Variants in KRAS observed in about 807,000 individuals in gnomAD.
KRAS encodes GTPase KRas.
A neutral mutation model predicts 21.0 loss-of-function variants in KRAS; 1 was observed. That is an observed-to-expected ratio of 0.05 (90% CI 0.02 to 0.23). The LOEUF is 0.23. Ranked by LOEUF, KRAS falls within the 10% of genes least tolerant of loss-of-function variation. KRAS has a pLI of 1.00. For missense variants in KRAS, 107 were observed against 221.8 expected, an observed-to-expected ratio of 0.48 and a Z score of 3.29; for synonymous variants, 67 against 72.5, an observed-to-expected ratio of 0.92 and a Z score of 0.39.
chr12:25,246,384 CCTCT>C (rs368634744), intron 1 of KRAS, among the ~76,000 whole-genome samples: 161 of 152,116 alleles, frequency 1.1e-3, no homozygotes, highest in Non-Finnish European at 1.5e-3. Flanking sequence ...ATGGTGAAAC[CCTCT>C]CTCTACTAAA....
intron 2 of KRAS, among the ~76,000 whole-genome samples, chr12:25,235,612 G>A (rs1240190137): frequency 2.0e-5 from 3 of 152,160 alleles, no homozygotes; most frequent in African/African-American, 7.2e-5. Context: ...GCAAGACGAA[G>A]TACAATGGTG....
In KRAS at chr12:25,209,875, T is replaced by C. The variant is rs1470495974; in HGVS notation, c.487A>G (p.Ile163Val). ...CTCATCTTTTCTTTATGTTTTCGAATTTCTCGAACTAATGTATAGAAGGCA... is the reference window on the plus strand; with the variant it reads ...CTCATCTTTTCTTTATGTTTTCGAACTTCTCGAACTAATGTATAGAAGGCA... ...DDAFYTLVRE[I>V]RKHKEKMSKD... The change falls in exon 5 of 5, where the codon ATT becomes GTT. Residue 163 changes from isoleucine (I) to valine (V), a missense_variant. Physicochemically the swap from Ile to Val is conservative, Grantham distance 29. Transcript: ENST00000311936. 1.4e-5 allele frequency: 22 copies of C among 1,611,282 alleles called. No homozygotes were observed. The highest frequency in any genetic ancestry group is 1.7e-5 in the Non-Finnish European group (20 of 1,178,072).
intron 2 of KRAS, among the ~76,000 whole-genome samples, chr12:25,239,971 T>C (rs894275875): frequency 4.0e-5 from 6 of 151,580 alleles, no homozygotes; most frequent in Admixed American, 3.9e-4. Flanking sequence ...AAAAAAAAAT[T>C]AATAGAAATA....
At chr12:25,237,698 T>C (rs570935149) in intron 2 of KRAS, among the ~76,000 whole-genome samples, 2 of 152,330 alleles carry the variant, frequency 1.3e-5, no homozygotes, top group South Asian at 2.1e-4. Context: ...GCTGTGAAAG[T>C]AGGTAAAACT....
chr12:25,225,273 G>T, intron 4 of KRAS: 1 of 131,128 alleles, frequency 7.6e-6, no homozygotes, highest in African/African-American at 2.8e-5. Flanking sequence ...GCAAAAATTT[G>T]TTGCCCTGTT....
chr12:25,215,356 A>G, intron 4 of KRAS: 1 of 1,573,992 alleles, frequency 6.4e-7, no homozygotes, highest in South Asian at 1.1e-5. Flanking sequence ...ACACCTAAGT[A>G]GTTCTAAAGT....
chr12:25,221,775 C>T (rs1038989772), intron 4 of KRAS, among the ~76,000 whole-genome samples: 3 of 152,108 alleles, frequency 2.0e-5, no homozygotes, highest in Admixed American at 2.0e-4. Flanking sequence ...GTTTTAGGCT[C>T]ATGATCAAGA....
intron 2 of KRAS, among the ~76,000 whole-genome samples, chr12:25,230,007 C>T (rs949454597): frequency 4.6e-5 from 7 of 152,032 alleles, no homozygotes; most frequent in African/African-American, 1.5e-4. Flanking sequence ...CTCCTGACCT[C>T]GTGATCTGCA....
At chr12:25,227,771 C>G (rs1345502577) in intron 2 of KRAS, among the ~76,000 whole-genome samples, 1 of 152,120 alleles carries the variant, frequency 6.6e-6, no homozygotes, top group Non-Finnish European at 1.5e-5. Flanking sequence ...AATGGTGATG[C>G]CATTGTGGAA....
chr12:25,247,775 G>C (rs1951703813), intron 1 of KRAS, among the ~76,000 whole-genome samples: 2 of 152,270 alleles, frequency 1.3e-5, no homozygotes, highest in East Asian at 3.9e-4. Flanking sequence ...ATTGAATGCA[G>C]ATGCAGATAT....
intron 2 of KRAS, among the ~76,000 whole-genome samples, chr12:25,239,043 C>A (rs1206459743): frequency 1.3e-5 from 2 of 152,186 alleles, no homozygotes; most frequent in African/African-American, 2.4e-5. Context: ...TCTCCATACC[C>A]TTCCTAGCAG....
chr12:25,243,885 T>A (rs190709811), intron 2 of KRAS, among the ~76,000 whole-genome samples: 1 of 152,230 alleles, frequency 6.6e-6, no homozygotes, highest in Admixed American at 6.5e-5. Context: ...GACTATTGCA[T>A]AGGCAGTCTA....
At chr12:25,223,905 G>T (rs1428884524) in intron 4 of KRAS, among the ~76,000 whole-genome samples, 1 of 152,036 alleles carries the variant, frequency 6.6e-6, no homozygotes, top group Non-Finnish European at 1.5e-5. Flanking sequence ...TAAACAAATT[G>T]ATGGAATATA....
rs1951124230 is a variant in KRAS at position 25,205,383 on chromosome 12, C to A, written c.*4412G>T. ...AGTTAATTTCAATTAAAAGAGTGGT[C>A]ATTTTTAATGTTTGATATGACCAAC... is the stretch of plus-strand genomic sequence containing the variant. On this transcript the variant is annotated 3_prime_UTR_variant, in exon 5 of 5. Transcript: ENST00000311936. 4.6e-6 allele frequency: 1 copy of A among 215,100 alleles called. No individual in the cohort carries two copies. The highest frequency in any genetic ancestry group is 9.4e-6 in the Non-Finnish European group (1 of 106,414). 13.3% of individuals were successfully genotyped at this position (215,100 alleles called of 1,614,324 possible). A position where few individuals can be genotyped will look rare whatever the true frequency, so the allele number is the denominator to read the frequency against.
At chr12:25,237,610 G>A (rs909428776) in intron 2 of KRAS, among the ~76,000 whole-genome samples, 2 of 152,106 alleles carry the variant, frequency 1.3e-5, no homozygotes, top group African/African-American at 2.4e-5. Context: ...ATGGACAGCC[G>A]AAGAACTTCA....
At chr12:25,214,409 CAG>C (rs1951232082) in intron 4 of KRAS, among the ~76,000 whole-genome samples, 1 of 143,394 alleles carries the variant, frequency 7.0e-6, no homozygotes, top group Admixed American at 7.0e-5. Flanking sequence ...TTTTTTGAGA[CAG>C]AGTTTCGCTC....
chr12:25,209,565 T>C lies in KRAS; in HGVS notation c.*230A>G. ...CAGAAATCTTAGGTATTCAGTTTCT[T>C]TTTCACAGGCATTGCTAGTTCAAAA... On this transcript the variant is annotated 3_prime_UTR_variant, in exon 5 of 5. Transcript: ENST00000311936. 7.5e-7 allele frequency: 1 copy of C among 1,332,096 alleles called. No individual in the cohort carries two copies. The highest frequency in any genetic ancestry group is 2.9e-5 in the East Asian group (1 of 34,374). 82.5% of individuals were successfully genotyped at this position (1,332,096 alleles called of 1,614,324 possible). A position where few individuals can be genotyped will look rare whatever the true frequency, so the allele number is the denominator to read the frequency against.
chr12:25,224,873 T>C (rs1231601879), intron 4 of KRAS, among the ~76,000 whole-genome samples: 1 of 152,170 alleles, frequency 6.6e-6, no homozygotes, highest in East Asian at 1.9e-4. Context: ...ATCCCTGTCA[T>C]TAAGAGACAT....
chr12:25,225,291 TA>T lies in KRAS; in HGVS notation c.450+322del, dbSNP rs1951377150. ...AAAATTTGTTGCCCTGTTCTTTATA[TA>T]TATATATATATATATATATATATAT... On this transcript the variant is annotated intron_variant, in intron 4 of 4. Coordinates refer to ENST00000311936, the MANE Select transcript of KRAS (RefSeq NM_004985.5). The T allele has an allele frequency of 1.5e-3, 203 of 136,952 alleles. 10 individuals are homozygous for T. The highest frequency in any genetic ancestry group is 0.011 in the Middle Eastern group (3 of 274). 8.5% of individuals were successfully genotyped at this position (136,952 alleles called of 1,614,324 possible). A position where few individuals can be genotyped will look rare whatever the true frequency, so the allele number is the denominator to read the frequency against.
Sources: allele counts gnomAD v4.1 joint callset (sites outside exome capture counted in the v4.1 genomes callset), GRCh38; gene constraint gnomAD v4.1.1; transcripts MANE v1.5; gene names NCBI Gene and HGNC (gene_info 2026-07-23, HGNC 2026-07-21).